AGAP1: variants seen among roughly 807,000 people sequenced by gnomAD.
The protein encoded by AGAP1 is arf-GAP with GTPase, ANK repeat and PH domain-containing protein 1.
A neutral mutation model predicts 105.3 loss-of-function variants in AGAP1; 29 were observed. The ratio of observed to expected loss-of-function variants is 0.28; its 90% CI spans 0.21 to 0.38. The LOEUF (loss-of-function observed/expected upper bound fraction) is 0.38. AGAP1 is among the 10% of genes least tolerant of loss of function. The pLI, the probability that AGAP1 is intolerant of heterozygous loss-of-function variation, is 1.00. For missense variants in AGAP1, 998 were observed against 1,165.1 expected (o/e 0.86, Z 2.09); for synonymous variants, 509 against 485.9 (o/e 1.05, Z -0.63).
Position 235,793,515 on chromosome 2 carries a change from AGTCCCAGAGCC to A in AGAP1, c.674-4240_674-4230del, listed in dbSNP as rs1957099523. Among the ~76,000 whole-genome samples, 1 of 152,220 alleles carries A rather than the reference AGTCCCAGAGCC, an allele frequency of 6.6e-6. No individual in the cohort carries two copies. The highest frequency in any genetic ancestry group is 6.5e-5 in the Admixed American group (1 of 15,284). ...ATTGCCACATGGTGGTGTCATGAGC[AGTCCCAGAGCC>A]GTCGGATTGCTCTGGTGCACTTGCT... On this transcript the variant is annotated intron_variant, in intron 6 of 17. Transcript: ENST00000304032. This position sits in a 1 kb window ranked among gnomAD's most constrained non-coding sequence, Gnocchi z 5.3.
chr2:235,540,959 A>T (rs1943414692), intron 1 of AGAP1, among the ~76,000 whole-genome samples: 1 of 152,188 alleles, frequency 6.6e-6, no homozygotes, highest in African/African-American at 2.4e-5. Context: ...AGTTGCTTAA[A>T]CAAAGTCTGG....
At chr2:235,995,392 T>C (rs548174049) in intron 13 of AGAP1, among the ~76,000 whole-genome samples, 56 of 152,098 alleles carry the variant, frequency 3.7e-4, no homozygotes, top group Middle Eastern at 3.4e-3. Context: ...TGCGCACCTA[T>C]AATCCTAGCT....
Position 235,661,623 on chromosome 2 carries a change from G to A in AGAP1, c.164-47556G>A, listed in dbSNP as rs537315029. ...TGTGGACTTGGGGCTTCCGATGCTC[G>A]TGCTAGCCTGAATCTCCGGGAGACA... On this transcript the variant is annotated intron_variant, in intron 1 of 17. Coordinates refer to ENST00000304032, the MANE Select transcript of AGAP1 (RefSeq NM_001037131.3). 1.6e-4 allele frequency among the ~76,000 whole-genome samples: 24 copies of A among 152,274 alleles called. 1 individual carries two copies. The South Asian group carries it at 3.7e-3, about 24-fold the overall frequency.
At chr2:235,974,082 T>C (rs933471108) in intron 13 of AGAP1, among the ~76,000 whole-genome samples, 1 of 152,204 alleles carries the variant, frequency 6.6e-6, no homozygotes, top group Non-Finnish European at 1.5e-5. Context: ...CTCGTTAGTT[T>C]TATAACATTC....
intron 4 of AGAP1, among the ~76,000 whole-genome samples, chr2:235,742,596 C>T (rs189511830): frequency 6.6e-4 from 101 of 152,238 alleles, no homozygotes; most frequent in African/African-American, 1.9e-3. Flanking sequence ...TGATAGGATC[C>T]TATCAGTCAG....
intron 1 of AGAP1, among the ~76,000 whole-genome samples, chr2:235,573,505 A>G (rs1344233563): frequency 6.6e-6 from 1 of 152,154 alleles, no homozygotes; most frequent in Non-Finnish European, 1.5e-5. Flanking sequence ...CTCTTATTTA[A>G]ATTCTTATTT....
intron 1 of AGAP1, among the ~76,000 whole-genome samples, chr2:235,526,176 C>T (rs11895245): frequency 0.22 from 894 of 4,014 alleles, 388 homozygotes; most frequent in Middle Eastern, 0.5. Flanking sequence ...AGAGGACTGA[C>T]ACATAATGTG....
Position 235,883,543 on chromosome 2 carries a change from CTGTT to C in AGAP1, c.1155+97_1155+100del, listed in dbSNP as rs2050132301. On this transcript the variant is annotated intron_variant, in intron 10 of 17. Transcript: ENST00000304032. The surrounding 1 kb of genome is among the most constrained non-coding windows in gnomAD (Gnocchi z 4.5). ...CTACCAGCAGCCCAGCCTCTTGTCT[CTGTT>C]TGAAGTGAAAGTCGTATTTGGTCTC... 10 of 1,024,614 alleles carry C rather than the reference CTGTT, an allele frequency of 9.8e-6. No individual in the cohort carries two copies. The highest frequency in any genetic ancestry group is 1.6e-5 in the African/African-American group (1 of 61,948). The allele number at this position is 1,024,614 out of a possible 1,614,324, so 63.5% of individuals were successfully genotyped here. A position where few individuals can be genotyped will look rare whatever the true frequency, so the allele number is the denominator to read the frequency against.
intron 13 of AGAP1, among the ~76,000 whole-genome samples, chr2:236,006,427 A>G (rs2056324879): frequency 6.6e-6 from 1 of 152,212 alleles, no homozygotes; most frequent in African/African-American, 2.4e-5. Context: ...CTCTTGGCCA[A>G]CAGAGTAAAG....
intron 9 of AGAP1, among the ~76,000 whole-genome samples, chr2:235,825,949 A>G (rs1959038460): frequency 6.6e-6 from 1 of 152,210 alleles, no homozygotes; most frequent in South Asian, 2.1e-4. Flanking sequence ...GCATGCCTGT[A>G]TCAAAACATC....
chr2:235,804,085 A>G (rs184233541), intron 8 of AGAP1, among the ~76,000 whole-genome samples: 2 of 152,332 alleles, frequency 1.3e-5, no homozygotes, highest in South Asian at 2.1e-4. Flanking sequence ...ACTGCAAGAA[A>G]TAAGCAAATC....
rs1309197819 is a variant in AGAP1 at position 235,642,211 on chromosome 2, C to T, written c.164-66968C>T. On this transcript the variant is annotated intron_variant, in intron 1 of 17. Coordinates refer to ENST00000304032, the MANE Select transcript of AGAP1 (RefSeq NM_001037131.3). The surrounding 1 kb of genome is among the most constrained non-coding windows in gnomAD (Gnocchi z 4.1). ...ATTCCTCTCCCAAGTCTTGCTAGCTCGTGGCATGTGCAATGGGATCTCTTT... is the reference window on the plus strand; with the variant it reads ...ATTCCTCTCCCAAGTCTTGCTAGCTTGTGGCATGTGCAATGGGATCTCTTT... 6.6e-6 allele frequency among the ~76,000 whole-genome samples: 1 copy of T among 152,274 alleles called. No individual in the cohort carries two copies. The highest frequency in any genetic ancestry group is 1.9e-4 in the East Asian group (1 of 5,172).
At chr2:235,890,242 C>G (rs1034836118) in intron 10 of AGAP1, among the ~76,000 whole-genome samples, 5 of 151,348 alleles carry the variant, frequency 3.3e-5, no homozygotes, top group African/African-American at 9.7e-5. Flanking sequence ...CTCACTGCAA[C>G]CTCTGGGTTC....
chr2:235,939,031 T>A (rs1035607589), intron 12 of AGAP1, among the ~76,000 whole-genome samples: 1 of 152,148 alleles, frequency 6.6e-6, no homozygotes, highest in Non-Finnish European at 1.5e-5. Flanking sequence ...CAGAGGGACC[T>A]GAATGATGTG....
chr2:235,773,852 AT>A, intron 6 of AGAP1: 1 of 438,468 alleles, frequency 2.3e-6, no homozygotes, highest in Non-Finnish European at 4.6e-6. Flanking sequence ...AAAGAAAAAA[AT>A]CTCGAAAATA....
Position 235,716,964 on chromosome 2 carries a change from C to T in AGAP1, c.223-593C>T, listed in dbSNP as rs1265912679. ...GCAGCCCTGGCACTGTCCCCTTTTT[C>T]TCGGAGATGCCTTGGTGGGTCCTGT... On this transcript the variant is annotated intron_variant, in intron 2 of 17. Coordinates refer to ENST00000304032, the MANE Select transcript of AGAP1 (RefSeq NM_001037131.3). The surrounding 1 kb of genome is among the most constrained non-coding windows in gnomAD (Gnocchi z 4.0). Among the ~76,000 whole-genome samples the T allele has an allele frequency of 6.6e-6, 1 of 152,106 alleles. No homozygotes were observed. Among genetic ancestry groups the T allele is most frequent in the African/African-American group, 2.4e-5 (1 of 41,424 alleles).
intron 11 of AGAP1, among the ~76,000 whole-genome samples, chr2:235,923,066 C>T (rs750949494): frequency 5.1e-4 from 77 of 152,274 alleles, no homozygotes; most frequent in Admixed American, 2.2e-3. Flanking sequence ...CCCTGCTAAT[C>T]GGGGCGAGTA....
chr2:235,612,107 C>G lies in AGAP1; in HGVS notation c.164-97072C>G, dbSNP rs994952286. Among the ~76,000 whole-genome samples the G allele has an allele frequency of 6.6e-6, 1 of 152,216 alleles. No homozygotes were observed. Among genetic ancestry groups the G allele is most frequent in the Non-Finnish European group, 1.5e-5 (1 of 68,046 alleles). The stretch of plus-strand genomic sequence containing the variant: ...TTTATTTTCTACTTGTAATCGTAAT[C>G]TGAGTGCAATTTCAGGACTTTGTTT... On this transcript the variant is annotated intron_variant, in intron 1 of 17. Transcript: ENST00000304032. The surrounding 1 kb of genome is among the most constrained non-coding windows in gnomAD (Gnocchi z 4.3).
Position 236,040,531 on chromosome 2 carries a change from G to T in AGAP1, c.1801-220G>T. 1.9e-6 allele frequency: 1 copy of T among 536,150 alleles called. No individual in the cohort carries two copies. The allele number at this position is 536,150 out of a possible 1,614,324, so 33.2% of individuals were successfully genotyped here. A position where few individuals can be genotyped will look rare whatever the true frequency, so the allele number is the denominator to read the frequency against. ...TGGCAGAGTCCGTCTCAGCTGATGA[G>T]TTAAAATGTGACATTTCCTCCCTCC... On this transcript the variant is annotated intron_variant, in intron 14 of 17. Transcript: ENST00000304032. This position sits in a 1 kb window ranked among gnomAD's most constrained non-coding sequence, Gnocchi z 5.6.
Sources: gnomAD v4.1 joint callset for allele counts (sites outside exome capture counted in the v4.1 genomes callset) on GRCh38, gnomAD v4.1.1 for gene constraint, Gnocchi (gnomAD v3.1) non-coding constraint, MANE v1.5 for transcripts, NCBI Gene and HGNC (gene_info 2026-07-23, HGNC 2026-07-21) for gene names.